NINL: variants seen among roughly 807,000 people sequenced by gnomAD.
The protein encoded by NINL is ninein-like protein.
NINL carries 153 observed loss-of-function variants against 160.3 expected under a neutral mutation model. The ratio of observed to expected loss-of-function variants is 0.95; its 90% CI spans 0.84 to 1.09. NINL has a LOEUF of 1.09. Ranked by LOEUF, NINL falls within the 50% of genes least tolerant of loss-of-function variation. The pLI, the probability that NINL is intolerant of heterozygous loss-of-function variation, is 0.00. For missense variants in NINL, 1,829 were observed against 1,764.0 expected (o/e 1.04, Z -0.66); for synonymous variants, 800 against 734.8 (o/e 1.09, Z -1.43).
intron 14 of NINL, among the ~76,000 whole-genome samples, chr20:25,481,286 G>A (rs548604142): frequency 3.3e-5 from 5 of 152,210 alleles, no homozygotes; most frequent in South Asian, 2.1e-4. Context: ...CAGTGGACAC[G>A]GAGCCATGTG....
intron 3 of NINL, among the ~76,000 whole-genome samples, chr20:25,514,749 G>A (rs1762560976): frequency 6.6e-6 from 1 of 152,228 alleles, no homozygotes; most frequent in African/African-American, 2.4e-5. Flanking sequence ...CGTCCCAGCT[G>A]CTCCAGCTCC....
Position 25,500,906 on chromosome 20 carries a change from A to G in NINL, c.966T>C (p.Ala322=). 6.2e-7 allele frequency: 1 copy of G among 1,614,226 alleles called. No individual in the cohort carries two copies. ...ACATGGCCAGGACCTGATCAGGAAA[A>G]GCGAAGCCAGAACCATCGTCAATGC... The part of the protein sequence containing the change: ...FSSIDDGSGF[A]FPDQVLAMWT... The change falls in exon 8 of 24, where the codon GCT becomes GCC. Residue 322 remains alanine (A), a synonymous_variant. Coordinates refer to ENST00000278886, the MANE Select transcript of NINL (RefSeq NM_025176.6).
chr20:25,505,909 C>T (rs1157720357), intron 5 of NINL, among the ~76,000 whole-genome samples: 1 of 152,222 alleles, frequency 6.6e-6, no homozygotes, highest in African/African-American at 2.4e-5. Flanking sequence ...AAATATCTGC[C>T]TGTAATGGGG....
chr20:25,556,488 G>T (rs1600336732), intron 1 of NINL, among the ~76,000 whole-genome samples: 1 of 151,952 alleles, frequency 6.6e-6, no homozygotes, highest in Admixed American at 6.6e-5. Context: ...AGCTGGGCAT[G>T]GTCATGTGCA....
At chr20:25,541,536 T>C (rs1272981788) in intron 1 of NINL, among the ~76,000 whole-genome samples, 5 of 152,278 alleles carry the variant, frequency 3.3e-5, no homozygotes, top group Non-Finnish European at 5.9e-5. Context: ...CATACTTATA[T>C]TCATGCTAGG....
intron 1 of NINL, among the ~76,000 whole-genome samples, chr20:25,536,683 C>T (rs1201897783): frequency 6.6e-6 from 1 of 151,732 alleles, no homozygotes; most frequent in Admixed American, 6.6e-5. Flanking sequence ...CATGCCACTG[C>T]ACTCCAGCCT....
At chr20:25,483,044 A>G (rs773742016) in intron 13 of NINL, among the ~76,000 whole-genome samples, 5 of 150,326 alleles carry the variant, frequency 3.3e-5, no homozygotes, top group Admixed American at 6.6e-5. Context: ...AAAATAAATA[A>G]AGAAAAGAGG....
At chr20:25,519,096 CAAAAAAAAA>C (rs60327668) in intron 2 of NINL, among the ~76,000 whole-genome samples, 1 of 91,926 alleles carries the variant, frequency 1.1e-5, no homozygotes, top group African/African-American at 4.2e-5. Flanking sequence ...GACTCTGTCT[CAAAAAAAAA>C]AAAAAAAAAA....
At chr20:25,463,532 A>G (rs2062840599) in intron 19 of NINL, among the ~76,000 whole-genome samples, 1 of 152,244 alleles carries the variant, frequency 6.6e-6, no homozygotes, top group Non-Finnish European at 1.5e-5. Context: ...GTGCAGTGAC[A>G]GCGGCAGGAA....
chr20:25,488,569 C>G (rs1390827440), intron 13 of NINL, among the ~76,000 whole-genome samples: 3 of 151,916 alleles, frequency 2.0e-5, no homozygotes, highest in Admixed American at 6.6e-5. Context: ...TCCAGATGCT[C>G]TGTGTCATGT....
intron 1 of NINL, among the ~76,000 whole-genome samples, chr20:25,572,669 C>T (rs745798598): frequency 6.6e-6 from 1 of 152,130 alleles, no homozygotes. Context: ...CCCATACCTA[C>T]TAACAGCACA....
chr20:25,573,456 T>C (rs1355459707), intron 1 of NINL, among the ~76,000 whole-genome samples: 2 of 152,096 alleles, frequency 1.3e-5, no homozygotes, highest in African/African-American at 2.4e-5. Flanking sequence ...CACACAACAC[T>C]GATGCTCTTC....
At position 25,528,835 on chromosome 20, in the gene NINL, A is replaced by G. The variant is rs2064401712; in HGVS notation, c.-11-2237T>C. ...GGAAATATAAGGAAACAACAACATGAAAAGTCAATCAAGCTCATTCATAAT... is the reference window on the plus strand; with the variant it reads ...GGAAATATAAGGAAACAACAACATGGAAAGTCAATCAAGCTCATTCATAAT... On this transcript the variant is annotated intron_variant, in intron 1 of 23. Coordinates refer to ENST00000278886, the MANE Select transcript of NINL (RefSeq NM_025176.6). Among the ~76,000 whole-genome samples, 3 of 152,342 alleles carry G rather than the reference A, an allele frequency of 2.0e-5. 1 individual carries two copies. The South Asian group carries it at 6.2e-4, about 32-fold the overall frequency.
rs758169713 is a variant in NINL, at chr20:25,491,347, C to T, written c.1485+4G>A. 1.9e-6 allele frequency: 3 copies of T among 1,603,584 alleles called. No individual in the cohort carries two copies. Among genetic ancestry groups the T allele is most frequent in the Non-Finnish European group, 2.5e-6 (3 of 1,176,898 alleles). On this transcript the variant is annotated splice_donor_region_variant and intron_variant, in intron 11 of 23. Transcript: ENST00000278886. ...CTTCCTGGATGCCCTGGGGATGCCC[C>T]TACCTTCAGGGCCAGGGTCAGCTTC...
chr20:25,493,641 C>CG lies in NINL; in HGVS notation c.1311-2117dup, dbSNP rs59092440. On this transcript the variant is annotated intron_variant, in intron 10 of 23. Transcript: ENST00000278886. ...AGTCAAGGTCACCTCCCCCAGGGGC[C>CG]GGGGGGCATCTTTTGGTCCCTCCTC... Among the ~76,000 whole-genome samples, 994 of 152,226 alleles carry CG rather than the reference C, an allele frequency of 6.5e-3. 16 individuals carry two copies. Among genetic ancestry groups the CG allele is most frequent in the African/African-American group, 0.023 (953 of 41,530 alleles).
intron 20 of NINL, among the ~76,000 whole-genome samples, chr20:25,461,913 A>G (rs1433605723): frequency 6.6e-6 from 1 of 152,094 alleles, no homozygotes; most frequent in Non-Finnish European, 1.5e-5. Flanking sequence ...GGCATTAGTT[A>G]TGATTTGAAA....
At chr20:25,561,169 T>C (rs2064931782) in intron 1 of NINL, among the ~76,000 whole-genome samples, 1 of 152,104 alleles carries the variant, frequency 6.6e-6, no homozygotes, top group Admixed American at 6.5e-5. Context: ...GCCGAGTGCC[T>C]GCGATTGCAG....
At chr20:25,469,399 C>A (rs1372308468) in intron 18 of NINL, among the ~76,000 whole-genome samples, 1 of 142,658 alleles carries the variant, frequency 7.0e-6, no homozygotes, top group Non-Finnish European at 1.5e-5. Flanking sequence ...CACTGGTGGC[C>A]CCCTGCCCTG....
intron 1 of NINL, among the ~76,000 whole-genome samples, chr20:25,582,293 G>C (rs2065183502): frequency 6.6e-6 from 1 of 151,954 alleles, no homozygotes; most frequent in African/African-American, 2.4e-5. Flanking sequence ...AAAACTTTTT[G>C]CTTAAGTCCT....
Sources: gnomAD v4.1 joint callset for allele counts (sites outside exome capture counted in the v4.1 genomes callset) on GRCh38, gnomAD v4.1.1 for gene constraint, MANE v1.5 for transcripts, NCBI Gene and HGNC (gene_info 2026-07-23, HGNC 2026-07-21) for gene names.